SYCP1: variants seen among roughly 807,000 people sequenced by gnomAD.
The protein encoded by SYCP1 is cancer/testis antigen 8.
A neutral mutation model predicts 153.1 loss-of-function variants in SYCP1; 64 were observed. The observed-to-expected ratio is 0.42, with a 90% CI of 0.34 to 0.51. The LOEUF (loss-of-function observed/expected upper bound fraction) is 0.51. Among genes scored for constraint, SYCP1 ranks in the 20% least tolerant of loss-of-function variants. The pLI is 0.06. For synonymous variants in SYCP1, 384 were observed against 341.8 expected, an observed-to-expected ratio of 1.12 and a Z score of -1.36; for missense variants, 997 against 1,049.0, an observed-to-expected ratio of 0.95 and a Z score of 0.68.
At position 114,894,064 on chromosome 1, in the gene SYCP1, CT is replaced by C. The variant is rs969433303; in HGVS notation, c.1259-1376del. ...TCTTTTATATATATTTTTTCTCGTA[CT>C]TTTTTTTCTAATTTTGTGGGATTGG... On this transcript the variant is annotated intron_variant, in intron 15 of 31. Coordinates refer to ENST00000369522, the MANE Select transcript of SYCP1 (RefSeq NM_003176.4). Among the ~76,000 whole-genome samples, 33 of 150,070 alleles carry C rather than the reference CT, an allele frequency of 2.2e-4. 1 individual carries two copies. The South Asian group carries it at 5.8e-3, about 26-fold the overall frequency.
intron 15 of SYCP1, among the ~76,000 whole-genome samples, chr1:114,892,701 AC>A (rs1666802379): frequency 6.6e-6 from 1 of 152,118 alleles, no homozygotes; most frequent in African/African-American, 2.4e-5. Flanking sequence ...TGGCGCACGC[AC>A]GGGAAGATGT....
chr1:114,865,528 G>A (rs1664684664), intron 8 of SYCP1, among the ~76,000 whole-genome samples: 2 of 152,158 alleles, frequency 1.3e-5, no homozygotes. Context: ...GTGCTGCCCT[G>A]GGTCTATTTC....
intron 8 of SYCP1, among the ~76,000 whole-genome samples, chr1:114,863,906 A>C (rs1169580330): frequency 7.0e-6 from 1 of 142,566 alleles, no homozygotes; most frequent in Non-Finnish European, 1.5e-5. Context: ...CTCACTCATA[A>C]GTGGGAGTTG....
At chr1:114,914,513 C>G (rs1443114674) in intron 20 of SYCP1, among the ~76,000 whole-genome samples, 1 of 151,904 alleles carries the variant, frequency 6.6e-6, no homozygotes, top group African/African-American at 2.4e-5. Context: ...AGTTGAAGGT[C>G]TTACATCTCT....
chr1:114,908,348 T>G (rs983354501), intron 16 of SYCP1, among the ~76,000 whole-genome samples: 1 of 152,174 alleles, frequency 6.6e-6, no homozygotes, highest in African/African-American at 2.4e-5. Context: ...GTAAGTGAAG[T>G]TGAATTATTA....
chr1:114,882,290 C>CT (rs1451996124), intron 12 of SYCP1, among the ~76,000 whole-genome samples: 5 of 152,186 alleles, frequency 3.3e-5, no homozygotes. Context: ...CTCTTAATCT[C>CT]TTTTTTCTAT....
intron 23 of SYCP1, 83 bp downstream of exon 23, chr1:114,926,646 T>A: frequency 3.4e-6 from 4 of 1,187,584 alleles, no homozygotes; most frequent in Non-Finnish European, 4.7e-6. Context: ...GTTTATACAG[T>A]ATAAATTCAA....
At chr1:114,946,157 C>T in intron 25 of SYCP1, 132 bp from the exon 26 acceptor site, 2 of 279,282 alleles carry the variant, frequency 7.2e-6, no homozygotes, top group Non-Finnish European at 1.3e-5. Context: ...AATTTATAAA[C>T]ATAAGTTTCT....
chr1:114,993,984 C>A (rs2101994251), intron 30 of SYCP1, among the ~76,000 whole-genome samples: 1 of 144,146 alleles, frequency 6.9e-6, no homozygotes, highest in Non-Finnish European at 1.6e-5. Context: ...AGGATTTGTT[C>A]TTTTGTGACC....
At chr1:114,951,174 G>A (rs1671084837) in intron 27 of SYCP1, among the ~76,000 whole-genome samples, 1 of 152,120 alleles carries the variant, frequency 6.6e-6, no homozygotes, top group Non-Finnish European at 1.5e-5. Context: ...ACATACAAAT[G>A]TAAAGGAAAA....
chr1:114,962,363 A>G (rs1469862752), intron 27 of SYCP1, among the ~76,000 whole-genome samples: 1 of 152,078 alleles, frequency 6.6e-6, no homozygotes, highest in East Asian at 1.9e-4. Context: ...ATATATTTTT[A>G]GGTCTGTGAT....
chr1:114,980,185 TCAATTTCCTTA>T (rs1480221324), intron 28 of SYCP1, among the ~76,000 whole-genome samples: 3 of 151,858 alleles, frequency 2.0e-5, no homozygotes, highest in African/African-American at 4.8e-5. Flanking sequence ...TTAACATGCC[TCAATTTCCTTA>T]CAATTTCCTT....
In SYCP1 at chr1:114,913,048, A is replaced by G. The variant is rs781726586; in HGVS notation, c.1545A>G (p.Glu515=). 3 of 1,609,884 alleles carry G rather than the reference A, an allele frequency of 1.9e-6. No homozygotes were observed. Among genetic ancestry groups the G allele is most frequent in the Non-Finnish European group, 2.5e-6 (3 of 1,178,118 alleles). ...ELENEKLKNT[E]LTSHCNKLSL... is the part of the protein sequence containing the mutation. ...TAAAAAATAGGCTTAAGAATACTGAATTAACTTCACACTGCAACAAGCTTT... is the reference window on the plus strand; with the variant it reads ...TAAAAAATAGGCTTAAGAATACTGAGTTAACTTCACACTGCAACAAGCTTT... Residue 515 remains glutamate (E), a synonymous_variant, in exon 19 of 32, where the codon GAA becomes GAG. Coordinates refer to ENST00000369522, the MANE Select transcript of SYCP1 (RefSeq NM_003176.4).
chr1:114,925,393 G>A (rs751398829), intron 21 of SYCP1, among the ~76,000 whole-genome samples: 3 of 152,020 alleles, frequency 2.0e-5, no homozygotes, highest in Non-Finnish European at 2.9e-5. Context: ...TATTAGTGAC[G>A]ATTTAAGGAA....
rs1200500905 is a variant in SYCP1, at chr1:114,970,297, A to AT, written c.2323-7252dup. 2.0e-5 allele frequency among the ~76,000 whole-genome samples: 3 copies of AT among 150,514 alleles called. No homozygotes were observed. The East Asian group carries it at 5.9e-4, about 30-fold the overall frequency. On this transcript the variant is annotated intron_variant, in intron 27 of 31. Transcript: ENST00000369522. The stretch of plus-strand genomic sequence containing the variant: ...TTTTATGATATCTGTTTCTTCAGAG[A>AT]TTTTTTTTCAATCATATCCTGTATT...
chr1:114,991,191 ACTT>A (rs1397310943), intron 30 of SYCP1, among the ~76,000 whole-genome samples: 2 of 151,958 alleles, frequency 1.3e-5, no homozygotes, highest in African/African-American at 4.8e-5. Flanking sequence ...ATTGGTAAAA[ACTT>A]CTCAGAATAA....
chr1:114,961,013 A>G (rs1671750366), intron 27 of SYCP1, among the ~76,000 whole-genome samples: 1 of 152,120 alleles, frequency 6.6e-6, no homozygotes, highest in African/African-American at 2.4e-5. Context: ...TTTAAAAATT[A>G]CCATTTCAGT....
intron 15 of SYCP1, among the ~76,000 whole-genome samples, chr1:114,895,084 T>C (rs1225321229): frequency 1.3e-5 from 2 of 152,042 alleles, no homozygotes; most frequent in Non-Finnish European, 2.9e-5. Context: ...GAAAAGAGAA[T>C]CACTTCTTTT....
At chr1:114,989,111 G>A (rs1447834448) in intron 30 of SYCP1, among the ~76,000 whole-genome samples, 1 of 151,824 alleles carries the variant, frequency 6.6e-6, no homozygotes. Context: ...GGGATGCAGT[G>A]AGCCATAATC....
Sources: allele counts gnomAD v4.1 joint callset (sites outside exome capture counted in the v4.1 genomes callset), GRCh38; gene constraint gnomAD v4.1.1; transcripts MANE v1.5; gene names NCBI Gene and HGNC (gene_info 2026-07-23, HGNC 2026-07-21).